The following SLC60A2 variants were observed in gnomAD, a reference collection of about 807,000 sequenced individuals.
SLC60A2 encodes the protein solute carrier family 60 member 2.
At chr6:111,264,255 TG>T in the SLC60A2 span, among the ~76,000 whole-genome samples, 7 of 152,206 alleles carry the variant, frequency 4.6e-5, no homozygotes, top group Non-Finnish European at 8.8e-5. Flanking sequence ...GCCTTCATCT[TG>T]GGGTAGAACT....
the SLC60A2 span, among the ~76,000 whole-genome samples, chr6:111,264,956 G>A: frequency 1.3e-5 from 2 of 152,070 alleles, no homozygotes; most frequent in Non-Finnish European, 2.9e-5. Flanking sequence ...AGCCAGGCAT[G>A]GTGGCGCGTG....
At chr6:111,263,543 G>T in the SLC60A2 span, among the ~76,000 whole-genome samples, 4 of 152,026 alleles carry the variant, frequency 2.6e-5, no homozygotes, top group African/African-American at 4.8e-5. Flanking sequence ...ATTTAAATTA[G>T]TTTTGGCTTG....
chr6:111,266,016 A>G, the SLC60A2 span: 1 of 1,614,132 alleles, frequency 6.2e-7, no homozygotes, highest in East Asian at 2.2e-5. Flanking sequence ...GTCTGCTGAA[A>G]ACCACACAGA....
chr6:111,272,509 A>ATTTTTTTT, the SLC60A2 span, among the ~76,000 whole-genome samples: 1 of 114,706 alleles, frequency 8.7e-6, no homozygotes. Context: ...TTCTAACTGT[A>ATTTTTTTT]TTTTTTTTTT....
At chr6:111,271,887 G>A in the SLC60A2 span, among the ~76,000 whole-genome samples, 1 of 147,530 alleles carries the variant, frequency 6.8e-6, no homozygotes, top group Admixed American at 6.9e-5. Context: ...AGAATCACTT[G>A]AACTTGGGAG....
the SLC60A2 span, among the ~76,000 whole-genome samples, chr6:111,273,793 A>C: frequency 6.6e-6 from 1 of 152,066 alleles, no homozygotes; most frequent in Non-Finnish European, 1.5e-5. Context: ...TGGCACAATT[A>C]CGGCTCACTG....
the SLC60A2 span, chr6:111,268,466 A>G: frequency 6.6e-6 from 1 of 152,240 alleles, no homozygotes; most frequent in Non-Finnish European, 1.5e-5. Flanking sequence ...AATTCATTCA[A>G]TTATGATAGT....
At chr6:111,269,903 A>G in the SLC60A2 span, 5 of 151,610 alleles carry the variant, frequency 3.3e-5, no homozygotes, top group African/African-American at 9.8e-5. Flanking sequence ...TAAGTAACCA[A>G]TATACCCAAG....
the SLC60A2 span, chr6:111,266,120 T>A: frequency 6.2e-7 from 1 of 1,614,278 alleles, no homozygotes; most frequent in East Asian, 2.2e-5. Flanking sequence ...TGTGGGCTTA[T>A]GCTGTTATCG....
At chr6:111,263,019 C>T in the SLC60A2 span, among the ~76,000 whole-genome samples, 24 of 152,136 alleles carry the variant, frequency 1.6e-4, no homozygotes, top group Non-Finnish European at 3.5e-4. Flanking sequence ...CTCACTGCAA[C>T]CTCCCCCTCC....
chr6:111,259,806 C>A, the SLC60A2 span: 2 of 1,365,694 alleles, frequency 1.5e-6, no homozygotes, highest in Non-Finnish European at 2.0e-6. Context: ...ACCTTGGGCG[C>A]GTTACCTAAT....
chr6:111,259,741 C>G, the SLC60A2 span: 2 of 1,578,352 alleles, frequency 1.3e-6, no homozygotes, highest in Non-Finnish European at 1.7e-6. Flanking sequence ...AGAGCCGGGG[C>G]TGCAACACTC....
the SLC60A2 span, among the ~76,000 whole-genome samples, chr6:111,274,377 C>T: frequency 6.6e-6 from 1 of 152,154 alleles, no homozygotes; most frequent in Non-Finnish European, 1.5e-5. Context: ...CACTTTCAGT[C>T]CATATGTGTG....
the SLC60A2 span, among the ~76,000 whole-genome samples, chr6:111,274,257 A>G: frequency 6.6e-6 from 1 of 151,772 alleles, no homozygotes; most frequent in Admixed American, 6.6e-5. Context: ...TTATATAATG[A>G]TTTTCTTTGT....
the SLC60A2 span, chr6:111,262,150 TC>T: frequency 3.3e-5 from 28 of 840,692 alleles, no homozygotes; most frequent in Non-Finnish European, 4.8e-5. Flanking sequence ...ACATTGTAAA[TC>T]CCAGACCCTC....
the SLC60A2 span, among the ~76,000 whole-genome samples, chr6:111,263,002 A>C: frequency 2.6e-5 from 4 of 151,666 alleles, no homozygotes; most frequent in Non-Finnish European, 5.9e-5. Context: ...CAGTGATGCG[A>C]TCTCTGCTCA....
At chr6:111,262,594 G>A in the SLC60A2 span, among the ~76,000 whole-genome samples, 1 of 152,208 alleles carries the variant, frequency 6.6e-6, no homozygotes, top group Admixed American at 6.5e-5. Flanking sequence ...CATCTTGACA[G>A]TTAGAGGGTA....
the SLC60A2 span, chr6:111,259,606 A>G: frequency 5.1e-6 from 7 of 1,369,378 alleles, no homozygotes; most frequent in Non-Finnish European, 6.9e-6. Flanking sequence ...CTGCAGGCGG[A>G]GGCCCCGGCG....
the SLC60A2 span, chr6:111,259,649 C>T: frequency 1.4e-5 from 22 of 1,560,938 alleles, no homozygotes; most frequent in Non-Finnish European, 1.7e-5. Context: ...TGGTGGTGGT[C>T]TCCTGGCAGA....
Sources: gnomAD v4.1 joint callset for allele counts (sites outside exome capture counted in the v4.1 genomes callset) on GRCh38, gnomAD v4.1.1 for gene constraint, MANE v1.5 for transcripts, NCBI Gene and HGNC (gene_info 2026-07-23, HGNC 2026-07-21) for gene names.